Variants in RNF17 observed in about 807,000 individuals in gnomAD.
RNF17 encodes the protein spermatogenesis associated 23.
RNF17 carries 31 observed loss-of-function variants against 200.5 expected under a neutral mutation model. That is an observed-to-expected ratio of 0.15 (90% confidence interval 0.12 to 0.21). RNF17 has a LOEUF of 0.21. Among genes scored for constraint, RNF17 ranks in the 10% least tolerant of loss-of-function variants. The pLI is 1.00. For missense variants in RNF17, 1,628 were observed against 1,905.1 expected, an observed-to-expected ratio of 0.85 and a Z score of 2.71; for synonymous variants, 606 against 637.8, an observed-to-expected ratio of 0.95 and a Z score of 0.75.
At chr13:24,827,860 T>C (rs1437533850) in intron 16 of RNF17, among the ~76,000 whole-genome samples, 3 of 151,988 alleles carry the variant, frequency 2.0e-5, no homozygotes, top group Non-Finnish European at 4.4e-5. Context: ...GGAGAGACAC[T>C]GTATCCTCTG....
chr13:24,845,806 C>T (rs1284410652), intron 22 of RNF17, among the ~76,000 whole-genome samples: 3 of 152,128 alleles, frequency 2.0e-5, no homozygotes, highest in African/African-American at 7.2e-5. Flanking sequence ...CGTTTTTAGC[C>T]GTATAACCTC....
Position 24,764,199 on chromosome 13 carries a change from C to T in RNF17, c.-5C>T. 1.9e-6 allele frequency: 3 copies of T among 1,582,828 alleles called. No homozygotes were observed. The highest frequency in any genetic ancestry group is 3.4e-5 in the Admixed American group (2 of 58,772). On this transcript the variant is annotated 5_prime_UTR_variant, in exon 1 of 36. Coordinates refer to ENST00000255324, the MANE Select transcript of RNF17 (RefSeq NM_031277.3). Reference sequence around the variant, plus strand: ...CGGCGGTTGTTCCAGAAGAAAGAGACAGCGATGGCGGCAGAGGCTTCGAAG... The same window carrying T: ...CGGCGGTTGTTCCAGAAGAAAGAGATAGCGATGGCGGCAGAGGCTTCGAAG...
intron 6 of RNF17, among the ~76,000 whole-genome samples, chr13:24,784,159 T>G (rs1165082612): frequency 6.6e-6 from 1 of 152,224 alleles, no homozygotes; most frequent in East Asian, 1.9e-4. Flanking sequence ...TGTGGTATGT[T>G]ACATCAATCA....
At chr13:24,882,331 G>T (rs1953886551), downstream of RNF17, 1 of 151,392 alleles carries the variant, frequency 6.6e-6, no homozygotes, top group South Asian at 2.1e-4. Context: ...GGAATTGATA[G>T]ATTTCATTAA....
At chr13:24,776,578 C>G (rs957378963) in intron 3 of RNF17, among the ~76,000 whole-genome samples, 2 of 152,130 alleles carry the variant, frequency 1.3e-5, no homozygotes, top group Non-Finnish European at 1.5e-5. Flanking sequence ...TAGGATAGAT[C>G]TTTTAGAATC....
intron 15 of RNF17, chr13:24,824,144 C>A: frequency 1.4e-6 from 1 of 704,416 alleles, no homozygotes; most frequent in Non-Finnish European, 2.6e-6. Context: ...TAGAAAATTG[C>A]TTTTACTTCA....
At chr13:24,762,294 C>A (rs191951473), upstream of RNF17, among the ~76,000 whole-genome samples, 60 of 146,300 alleles carry the variant, frequency 4.1e-4, no homozygotes, top group African/African-American at 1.5e-3. Flanking sequence ...TGCTTGAACC[C>A]GGAGACCAAG....
intron 30 of RNF17, 49 bp from the exon 31 acceptor site, chr13:24,868,551 T>A: frequency 1.1e-6 from 1 of 895,712 alleles, no homozygotes; most frequent in African/African-American, 1.7e-5. Flanking sequence ...TATAATGTAA[T>A]AGATTTTTGT....
chr13:24,774,908 T>C lies in RNF17; in HGVS notation c.317+4T>C. On this transcript the variant is annotated splice_donor_region_variant and intron_variant, in intron 3 of 35. Coordinates refer to ENST00000255324, the MANE Select transcript of RNF17 (RefSeq NM_031277.3). ...TGGAAAAACTGCAGCCTAAGACGTATGTTCCATGTGTACTTATTTGAGTAT... is the reference window on the plus strand; with the variant it reads ...TGGAAAAACTGCAGCCTAAGACGTACGTTCCATGTGTACTTATTTGAGTAT... The C allele has an allele frequency of 3.3e-6, 5 of 1,532,512 alleles. No individual in the cohort carries two copies. Among genetic ancestry groups the C allele is most frequent in the South Asian group, 1.1e-5 (1 of 88,034 alleles). The allele number at this position is 1,532,512 out of a possible 1,614,324, so 94.9% of individuals were successfully genotyped here. A position where few individuals can be genotyped will look rare whatever the true frequency, so the allele number is the denominator to read the frequency against.
intron 9 of RNF17, among the ~76,000 whole-genome samples, chr13:24,792,654 TG>T (rs1228591461): frequency 2.6e-5 from 4 of 152,344 alleles, no homozygotes; most frequent in Non-Finnish European, 4.4e-5. Flanking sequence ...TGTCCTCTGT[TG>T]GAAGAGGCAG....
intron 32 of RNF17, among the ~76,000 whole-genome samples, chr13:24,871,781 C>T (rs896265516): frequency 1.1e-4 from 16 of 151,484 alleles, no homozygotes; most frequent in African/African-American, 2.2e-4. Context: ...TATAGGCACG[C>T]GCCACCACGC....
At chr13:24,852,373 C>T (rs763711144) in intron 24 of RNF17, among the ~76,000 whole-genome samples, 26 of 152,146 alleles carry the variant, frequency 1.7e-4, no homozygotes, top group Non-Finnish European at 3.2e-4. Flanking sequence ...CTCCTGACCT[C>T]GTGATCTGCC....
the RNF17 span, among the ~76,000 whole-genome samples, chr13:24,755,695 C>A: frequency 3.3e-5 from 5 of 152,266 alleles, no homozygotes; most frequent in African/African-American, 1.2e-4. Flanking sequence ...TCTGCCTAGA[C>A]TTTGGACAAG....
intron 18 of RNF17, among the ~76,000 whole-genome samples, chr13:24,834,817 A>G (rs560111657): frequency 6.6e-6 from 1 of 152,298 alleles, no homozygotes; most frequent in South Asian, 2.1e-4. Context: ...CAGGGTGAGA[A>G]GCCTCCTGGC....
At chr13:24,807,027 T>G (rs1460709888) in intron 15 of RNF17, among the ~76,000 whole-genome samples, 1 of 151,814 alleles carries the variant, frequency 6.6e-6, no homozygotes, top group Non-Finnish European at 1.5e-5. Flanking sequence ...GTGTGCCACA[T>G]TTTCTTAATC....
At chr13:24,781,731 C>A (rs1309396964) in intron 5 of RNF17, 113 bp from the exon 6 acceptor site, 1 of 652,180 alleles carries the variant, frequency 1.5e-6, no homozygotes, top group Non-Finnish European at 2.6e-6. Context: ...ATCTCTTTAC[C>A]TCTTGTGTTA....
At chr13:24,760,134 C>A (rs7331695), upstream of RNF17, among the ~76,000 whole-genome samples, 16,539 of 151,980 alleles carry the variant, frequency 0.11, 1,098 homozygotes, top group Non-Finnish European at 0.14. Flanking sequence ...GAGCAAGACT[C>A]CATCTCAAAA....
Position 24,851,579 on chromosome 13 carries a change from CTTT to C in RNF17, c.3320+12_3320+14del, listed in dbSNP as rs770828131. The C allele has an allele frequency of 1.3e-6, 2 of 1,579,870 alleles. No individual in the cohort carries two copies. The highest frequency in any genetic ancestry group is 3.7e-5 in the Admixed American group (2 of 54,602). On this transcript the variant is annotated intron_variant, in intron 24 of 35. Transcript: ENST00000255324. ...GGCTTTGAGAGAAAGGAGGTATAGA[CTTT>C]TTTAAAAAATTTTGACATCAGTTTG...
At chr13:24,774,566 A>G (rs1341321283) in intron 2 of RNF17, among the ~76,000 whole-genome samples, 1 of 152,250 alleles carries the variant, frequency 6.6e-6, no homozygotes, top group African/African-American at 2.4e-5. Context: ...CAGTTATGGT[A>G]GAATGAAGTG....
Sources: allele counts gnomAD v4.1 joint callset (sites outside exome capture counted in the v4.1 genomes callset), GRCh38; gene constraint gnomAD v4.1.1; transcripts MANE v1.5; gene names NCBI Gene and HGNC (gene_info 2026-07-23, HGNC 2026-07-21).